Variants in CTNND2 observed in about 807,000 individuals in gnomAD.
CTNND2 encodes the protein catenin delta-2.
A neutral mutation model predicts 144.4 loss-of-function variants in CTNND2; 22 were observed. The observed-to-expected ratio is 0.15, with a 90% confidence interval of 0.11 to 0.22. CTNND2 has a LOEUF of 0.22. Among genes scored for constraint, CTNND2 ranks in the 10% least tolerant of loss-of-function variants. The pLI, the probability that CTNND2 is intolerant of heterozygous loss-of-function variation, is 1.00. For missense variants in CTNND2, 1,353 were observed against 1,618.8 expected, an observed-to-expected ratio of 0.84 and a Z score of 2.82; for synonymous variants, 751 against 695.6, an observed-to-expected ratio of 1.08 and a Z score of -1.25.
At chr5:11,504,355 T>G (rs1770814165) in intron 3 of CTNND2, among the ~76,000 whole-genome samples, 1 of 152,194 alleles carries the variant, frequency 6.6e-6, no homozygotes, top group Non-Finnish European at 1.5e-5. Flanking sequence ...ATAATTCCAG[T>G]AACTAAAATC....
chr5:11,365,782 A>C (rs147242254), intron 7 of CTNND2, among the ~76,000 whole-genome samples: 1 of 152,210 alleles, frequency 6.6e-6, no homozygotes, highest in African/African-American at 2.4e-5. Flanking sequence ...TTGAGAGCCA[A>C]TATTTTATCT....
chr5:11,751,696 G>C (rs1788631805), intron 1 of CTNND2, among the ~76,000 whole-genome samples: 1 of 151,550 alleles, frequency 6.6e-6, no homozygotes, highest in Non-Finnish European at 1.5e-5. Context: ...GATGAATATG[G>C]TGTAATGATT....
At chr5:11,692,048 T>C (rs964888904) in intron 2 of CTNND2, among the ~76,000 whole-genome samples, 1 of 152,166 alleles carries the variant, frequency 6.6e-6, no homozygotes, top group Non-Finnish European at 1.5e-5. Context: ...TGATTGAAAC[T>C]GGTTTAAAAA....
intron 11 of CTNND2, among the ~76,000 whole-genome samples, chr5:11,187,362 C>A (rs1297842426): frequency 2.6e-5 from 4 of 152,076 alleles, no homozygotes; most frequent in Admixed American, 2.6e-4. Flanking sequence ...GAAAGGACTC[C>A]CTATTTAATA....
intron 9 of CTNND2, among the ~76,000 whole-genome samples, chr5:11,243,749 A>G (rs1388265806): frequency 6.6e-6 from 1 of 152,210 alleles, no homozygotes; most frequent in African/African-American, 2.4e-5. Context: ...GACTATGTTC[A>G]ACAGTTCATG....
chr5:11,311,223 T>G, intron 9 of CTNND2, among the ~76,000 whole-genome samples: 1 of 34,666 alleles, frequency 2.9e-5, no homozygotes, highest in South Asian at 1.2e-3. Flanking sequence ...CCCTCACACT[T>G]CCCATGCACC....
In CTNND2 at chr5:11,411,756, C is replaced by T. The variant is rs568696724; in HGVS notation, c.323-104G>A. 135 of 801,384 alleles carry T rather than the reference C, an allele frequency of 1.7e-4. No individual in the cohort carries two copies. In the African/African-American group the frequency reaches 2.2e-3, roughly 13 times the overall value. The allele number at this position is 801,384 out of a possible 1,614,324, so 49.6% of individuals were successfully genotyped here. A position where few individuals can be genotyped will look rare whatever the true frequency, so the allele number is the denominator to read the frequency against. On this transcript the variant is annotated intron_variant, in intron 4 of 21. Transcript: ENST00000304623. ...GAAAATATCCTAGTCAAATATATTA[C>T]CTCTATGAAGTTTTCATTAGCTATT...
chr5:11,632,008 A>G (rs1433877509), intron 2 of CTNND2, among the ~76,000 whole-genome samples: 3 of 152,232 alleles, frequency 2.0e-5, no homozygotes, highest in African/African-American at 7.2e-5. Context: ...TATTTAAAAT[A>G]GAGCGTACAG....
intron 9 of CTNND2, among the ~76,000 whole-genome samples, chr5:11,304,264 T>C (rs1298386482): frequency 6.6e-6 from 1 of 152,082 alleles, no homozygotes; most frequent in Non-Finnish European, 1.5e-5. Context: ...ACAAACCGTT[T>C]CATTATTTTT....
intron 9 of CTNND2, among the ~76,000 whole-genome samples, chr5:11,333,560 G>A (rs569362884): frequency 6.6e-6 from 1 of 152,280 alleles, no homozygotes; most frequent in South Asian, 2.1e-4. Context: ...TTTGTGAGAT[G>A]ATCAGTCAGA....
chr5:10,975,290 T>C (rs1220274312), intron 21 of CTNND2, among the ~76,000 whole-genome samples: 2 of 152,146 alleles, frequency 1.3e-5, no homozygotes, highest in African/African-American at 2.4e-5. Context: ...TTGGAAAAAT[T>C]ATACAGGGAG....
At chr5:11,157,729 T>C (rs1313345205) in intron 12 of CTNND2, among the ~76,000 whole-genome samples, 3 of 152,264 alleles carry the variant, frequency 2.0e-5, no homozygotes, top group Admixed American at 1.3e-4. Flanking sequence ...TGGACGACTG[T>C]GACTGTTCTG....
chr5:10,997,589 T>TC (rs1342361180), intron 18 of CTNND2, among the ~76,000 whole-genome samples: 1 of 136,384 alleles, frequency 7.3e-6, no homozygotes, highest in African/African-American at 3.1e-5. Flanking sequence ...AGACTCCATC[T>TC]TAAAAAAAAA....
rs1450450431 is a variant in CTNND2, at chr5:10,972,773, C to A, written c.*680G>T. 1 of 150,428 alleles carries A rather than the reference C, an allele frequency of 6.6e-6. No individual in the cohort carries two copies. Among genetic ancestry groups the A allele is most frequent in the African/African-American group, 2.5e-5 (1 of 40,738 alleles). The allele number at this position is 150,428 out of a possible 1,614,324, so 9.3% of individuals were successfully genotyped here. A position where few individuals can be genotyped will look rare whatever the true frequency, so the allele number is the denominator to read the frequency against. ...AATACTGCTAAATATTCCTTTTTTC[C>A]TGCTTTTTTTTTTTTTTGTTAAAAC... On this transcript the variant is annotated 3_prime_UTR_variant, in exon 22 of 22. Transcript: ENST00000304623.
intron 3 of CTNND2, among the ~76,000 whole-genome samples, chr5:11,453,697 C>T (rs1859375): frequency 0.21 from 32,086 of 152,064 alleles, 4,847 homozygotes; most frequent in East Asian, 0.69. Context: ...AAAGAAAACC[C>T]TTATTCAAAA....
At chr5:11,483,074 G>A (rs985747701) in intron 3 of CTNND2, among the ~76,000 whole-genome samples, 1 of 152,100 alleles carries the variant, frequency 6.6e-6, no homozygotes, top group Non-Finnish European at 1.5e-5. Flanking sequence ...CTATTGAGGT[G>A]ATTTTGCTCC....
At chr5:11,655,465 A>G (rs184491404) in intron 2 of CTNND2, among the ~76,000 whole-genome samples, 2 of 152,230 alleles carry the variant, frequency 1.3e-5, no homozygotes, top group African/African-American at 4.8e-5. Context: ...CAACATGGAT[A>G]TCTCACAATT....
At chr5:10,984,225 C>T (rs1014869619) in intron 20 of CTNND2, among the ~76,000 whole-genome samples, 1 of 152,160 alleles carries the variant, frequency 6.6e-6, no homozygotes, top group South Asian at 2.1e-4. Context: ...CCTGCTGCTA[C>T]CTCCGTATGT....
intron 1 of CTNND2, among the ~76,000 whole-genome samples, chr5:11,760,430 T>C (rs1015443552): frequency 5.9e-5 from 9 of 152,188 alleles, no homozygotes; most frequent in South Asian, 2.1e-4. Flanking sequence ...AATTATATTA[T>C]GTGATTAAAC....
Sources: gnomAD v4.1 joint callset for allele counts (sites outside exome capture counted in the v4.1 genomes callset) on GRCh38, gnomAD v4.1.1 for gene constraint, MANE v1.5 for transcripts, NCBI Gene and HGNC (gene_info 2026-07-23, HGNC 2026-07-21) for gene names.